ATP7B: variants seen among roughly 807,000 people sequenced by gnomAD.
The protein encoded by ATP7B is copper-transporting ATPase 2.
A neutral mutation model predicts 118.9 loss-of-function variants in ATP7B; 113 were observed. The ratio of observed to expected loss-of-function variants is 0.95; its 90% CI spans 0.82 to 1.11. ATP7B has a LOEUF of 1.11. Among genes scored for constraint, ATP7B ranks in the 50% most tolerant of loss-of-function variants. The pLI is 0.00. For missense variants in ATP7B, 1,867 were observed against 1,871.4 expected (o/e 1.00, Z 0.04); for synonymous variants, 777 against 727.4 (o/e 1.07, Z -1.10).
intron 1 of ATP7B, among the ~76,000 whole-genome samples, chr13:51,981,728 G>T (rs957693804): frequency 6.6e-6 from 1 of 152,116 alleles, no homozygotes; most frequent in Non-Finnish European, 1.5e-5. Context: ...GGGGATAAAC[G>T]TAAATATCAG....
intron 1 of ATP7B, among the ~76,000 whole-genome samples, chr13:51,999,648 T>C (rs554029168): frequency 6.6e-6 from 1 of 152,276 alleles, no homozygotes; most frequent in Admixed American, 6.5e-5. Flanking sequence ...GGCACCTTCC[T>C]GCAAAACTCC....
chr13:51,969,109 T>C (rs1463974412), intron 3 of ATP7B, among the ~76,000 whole-genome samples: 5 of 151,576 alleles, frequency 3.3e-5, no homozygotes, highest in Admixed American at 2.0e-4. Context: ...TCCGCTCGCC[T>C]TGGCCTCCCA....
intron 9 of ATP7B, among the ~76,000 whole-genome samples, chr13:51,957,013 A>T (rs1270133048): frequency 6.6e-6 from 1 of 152,194 alleles, no homozygotes; most frequent in African/African-American, 2.4e-5. Context: ...CTTTGGTTAG[A>T]TTAAATACAA....
intron 3 of ATP7B, among the ~76,000 whole-genome samples, chr13:51,969,823 A>G (rs1419888301): frequency 1.3e-5 from 2 of 152,194 alleles, no homozygotes; most frequent in Non-Finnish European, 2.9e-5. Context: ...AGTGAACAAG[A>G]GGCTGGAAAA....
rs1566596817 is a variant in ATP7B at position 51,974,264 on chromosome 13, GGAA to G, written c.953_955del (p.Leu318del). 1 of 1,614,130 alleles carries G rather than the reference GGAA, an allele frequency of 6.2e-7. No individual in the cohort carries two copies. Among genetic ancestry groups the G allele is most frequent in the Non-Finnish European group, 8.5e-7 (1 of 1,180,022 alleles). ...AAGAGAAACTTTAAAATTCCCAGGT[GGAA>G]GTGCCTCGATAGCCCTCTGCAGAGC... On this transcript the variant is annotated inframe_deletion, in exon 2 of 21. Transcript: ENST00000242839.
intron 1 of ATP7B, among the ~76,000 whole-genome samples, chr13:51,980,893 C>A (rs1681110418): frequency 6.6e-6 from 1 of 152,130 alleles, no homozygotes; most frequent in Admixed American, 6.5e-5. Flanking sequence ...TATATCACCT[C>A]CCCCCATACA....
In ATP7B at chr13:51,970,399, C is replaced by G; in HGVS notation, c.1543+93G>C. 4.5e-6 allele frequency: 7 copies of G among 1,544,362 alleles called. No individual in the cohort carries two copies. The South Asian group carries it at 7.9e-5, about 17-fold the overall frequency. On this transcript the variant is annotated intron_variant, in intron 3 of 20. Coordinates refer to ENST00000242839, the MANE Select transcript of ATP7B (RefSeq NM_000053.4). Reference sequence around the variant, plus strand: ...TGAACTTGCTACCTGGTTATCAGGGCTACTGATAAACACAGTTGCTGGGTA... The same window carrying G: ...TGAACTTGCTACCTGGTTATCAGGGGTACTGATAAACACAGTTGCTGGGTA...
intron 1 of ATP7B, among the ~76,000 whole-genome samples, chr13:51,977,704 C>T (rs1307047765): frequency 6.6e-6 from 1 of 152,150 alleles, no homozygotes; most frequent in Non-Finnish European, 1.5e-5. Context: ...ATTGTATGTG[C>T]TCTATTTTTA....
intron 1 of ATP7B, among the ~76,000 whole-genome samples, chr13:52,003,148 T>C (rs1193694809): frequency 1.3e-5 from 2 of 152,356 alleles, no homozygotes; most frequent in South Asian, 2.1e-4. Context: ...ATTAAAAACT[T>C]TGCTAACTGT....
Position 51,946,337 on chromosome 13 carries a change from C to A in ATP7B, c.3007G>T (p.Ala1003Ser). 6.2e-7 allele frequency: 1 copy of A among 1,609,026 alleles called. No individual in the cohort carries two copies. Among genetic ancestry groups the A allele is most frequent in the East Asian group, 2.2e-5 (1 of 44,758 alleles). The change falls in exon 13 of 21, where the codon GCG (alanine) becomes TCG (serine). Residue 1003 changes from alanine (A) to serine (S), a missense_variant. Coordinates refer to ENST00000242839, the MANE Select transcript of ATP7B (RefSeq NM_000053.4). The stretch of plus-strand genomic sequence containing the variant: ...CCCTTGATGAGGATGCCGTTCTGCG[C>A]GGCCACCCCGGTGCCCACCATGACA... The part of the protein sequence containing the change: ...TAVMVGTGVA[A>S]QNGILIKGGK...
At chr13:51,943,284 G>C (rs141675502) in intron 14 of ATP7B, among the ~76,000 whole-genome samples, 1 of 152,134 alleles carries the variant, frequency 6.6e-6, no homozygotes, top group African/African-American at 2.4e-5. Flanking sequence ...CCTTCTAAGC[G>C]GTTTTCCAGA....
intron 2 of ATP7B, among the ~76,000 whole-genome samples, chr13:51,971,762 G>A (rs143745341): frequency 9.2e-5 from 14 of 152,354 alleles, no homozygotes; most frequent in Non-Finnish European, 1.9e-4. Flanking sequence ...AGCAGTAGGT[G>A]TGTGCTGTGG....
At position 51,947,398 on chromosome 13, in the gene ATP7B, AGACACTT is replaced by A. The variant is rs148233721; in HGVS notation, c.2866-927_2866-921del. ...ACAAACAAAATATGACCTACTTTCC[AGACACTT>A]GGTATTATTTGCATTCTGAGAGCTT... On this transcript the variant is annotated intron_variant, in intron 12 of 20. Coordinates refer to ENST00000242839, the MANE Select transcript of ATP7B (RefSeq NM_000053.4). Among the ~76,000 whole-genome samples, 200 of 152,280 alleles carry A rather than the reference AGACACTT, an allele frequency of 1.3e-3. 5 individuals are homozygous for A. In the East Asian group the frequency reaches 0.029, roughly 22 times the overall value.
intron 9 of ATP7B, among the ~76,000 whole-genome samples, chr13:51,956,061 A>G (rs550675460): frequency 6.6e-6 from 1 of 152,340 alleles, no homozygotes; most frequent in South Asian, 2.1e-4. Context: ...GTGGAACTAG[A>G]CGATCTGTGG....
chr13:51,940,666 TA>T (rs1284233019), intron 16 of ATP7B, among the ~76,000 whole-genome samples: 2 of 151,662 alleles, frequency 1.3e-5, no homozygotes, highest in Admixed American at 1.3e-4. Flanking sequence ...AAAAAGAAAG[TA>T]ATAATAAATA....
chr13:51,994,071 A>AT lies in ATP7B; in HGVS notation c.51+17215dup, dbSNP rs542100982. Among the ~76,000 whole-genome samples the AT allele has an allele frequency of 1.2e-3, 180 of 152,344 alleles. 1 individual carries two copies. Among genetic ancestry groups the AT allele is most frequent in the Non-Finnish European group, 2.2e-3 (147 of 68,038 alleles). On this transcript the variant is annotated intron_variant, in intron 1 of 20. Coordinates refer to ENST00000242839, the MANE Select transcript of ATP7B (RefSeq NM_000053.4). ...GACATTTTTTAAAAATGCCTCAAGC[A>AT]TTTTCACCCCAACATATTTAGTATT...
intron 1 of ATP7B, among the ~76,000 whole-genome samples, chr13:51,996,137 G>T (rs1953195518): frequency 6.6e-6 from 1 of 152,210 alleles, no homozygotes; most frequent in South Asian, 2.1e-4. Flanking sequence ...GTATTTTCAA[G>T]AAGGTGTAAG....
At chr13:51,937,806 C>T in intron 17 of ATP7B, 127 bp from the exon 18 acceptor site, 2 of 1,092,626 alleles carry the variant, frequency 1.8e-6, no homozygotes, top group South Asian at 2.6e-5. Flanking sequence ...GTCAACCACA[C>T]CCTGCAGGTT....
intron 1 of ATP7B, among the ~76,000 whole-genome samples, chr13:52,000,433 C>T (rs185308156): frequency 4.6e-5 from 7 of 152,322 alleles, no homozygotes; most frequent in Non-Finnish European, 8.8e-5. Flanking sequence ...AAAGTCCTCA[C>T]CTCCTAATAC....
Sources: gnomAD v4.1 joint callset for allele counts (sites outside exome capture counted in the v4.1 genomes callset) on GRCh38, gnomAD v4.1.1 for gene constraint, MANE v1.5 for transcripts, NCBI Gene and HGNC (gene_info 2026-07-23, HGNC 2026-07-21) for gene names.